Variants in LINGO2 observed in about 807,000 individuals in gnomAD.
LINGO2 encodes leucine-rich repeat and immunoglobulin-like domain-containing nogo receptor-interacting protein 2.
LINGO2 carries 14 observed loss-of-function variants against 30.6 expected under a neutral mutation model. The observed-to-expected ratio is 0.46, with a 90% CI of 0.30 to 0.72. The LOEUF (loss-of-function observed/expected upper bound fraction) is 0.72. LINGO2 is among the 30% of genes least tolerant of loss of function. The pLI is 0.07. For missense variants in LINGO2, 729 were observed against 751.7 expected, an observed-to-expected ratio of 0.97 and a Z score of 0.35; for synonymous variants, 317 against 288.5, an observed-to-expected ratio of 1.10 and a Z score of -1.00.
the LINGO2 span, among the ~76,000 whole-genome samples, chr9:28,768,085 A>G: frequency 1.3e-5 from 2 of 152,208 alleles, no homozygotes; most frequent in South Asian, 4.1e-4. Flanking sequence ...GCTAGCTGTA[A>G]TAATTATAAA....
the LINGO2 span, among the ~76,000 whole-genome samples, chr9:28,722,717 A>G: frequency 6.6e-6 from 1 of 152,306 alleles, no homozygotes; most frequent in East Asian, 1.9e-4. Context: ...TCAGGAGGGC[A>G]CTGGGAATAT....
chr9:28,496,455 C>T (rs1242661066), intron 1 of LINGO2, among the ~76,000 whole-genome samples: 2 of 150,836 alleles, frequency 1.3e-5, no homozygotes, highest in Non-Finnish European at 2.9e-5. Flanking sequence ...GGGTTAAAGT[C>T]TGTTTTATCA....
Position 27,957,466 on chromosome 9 carries a change from G to C in LINGO2, c.-35-6760C>G, listed in dbSNP as rs149677804. ...GTGTCACCAGGCCCAGCTATTTTTT[G>C]TACTTTTAGTAGAGACAGGGTTTCA... On this transcript the variant is annotated intron_variant, in intron 5 of 5. Transcript: ENST00000379992. 2.9e-3 allele frequency among the ~76,000 whole-genome samples: 439 copies of C among 152,138 alleles called. 1 individual carries two copies. Among genetic ancestry groups the C allele is most frequent in the African/African-American group, 0.01 (418 of 41,518 alleles).
chr9:28,298,810 C>A (rs1185425935), intron 3 of LINGO2, among the ~76,000 whole-genome samples: 1 of 152,062 alleles, frequency 6.6e-6, no homozygotes, highest in Non-Finnish European at 1.5e-5. Flanking sequence ...AGGGGCATGG[C>A]ATACAGAAGT....
chr9:29,176,002 A>G, the LINGO2 span, among the ~76,000 whole-genome samples: 4 of 152,120 alleles, frequency 2.6e-5, no homozygotes, highest in Non-Finnish European at 4.4e-5. Context: ...CTTACTGAGG[A>G]CATCTTATGG....
chr9:28,860,537 C>A, the LINGO2 span, among the ~76,000 whole-genome samples: 1 of 151,622 alleles, frequency 6.6e-6, no homozygotes, highest in African/African-American at 2.4e-5. Context: ...TTATGTGAGC[C>A]AATTACTTAT....
chr9:28,906,253 T>C, the LINGO2 span, among the ~76,000 whole-genome samples: 1 of 151,866 alleles, frequency 6.6e-6, no homozygotes, highest in South Asian at 2.1e-4. Flanking sequence ...CTATAGTTAA[T>C]AACAATGTAT....
the LINGO2 span, among the ~76,000 whole-genome samples, chr9:28,678,178 T>A: frequency 6.6e-6 from 1 of 151,920 alleles, no homozygotes; most frequent in Admixed American, 6.6e-5. Context: ...TTTTAATGTT[T>A]AATCTAAAAG....
chr9:29,179,547 CAT>C, the LINGO2 span, among the ~76,000 whole-genome samples: 1 of 151,996 alleles, frequency 6.6e-6, no homozygotes, highest in Non-Finnish European at 1.5e-5. Context: ...TGAGACTACA[CAT>C]GTGTGCCACC....
At chr9:28,387,095 G>C (rs1470211889) in intron 2 of LINGO2, among the ~76,000 whole-genome samples, 1 of 152,082 alleles carries the variant, frequency 6.6e-6, no homozygotes. Flanking sequence ...CTAAAGGTTT[G>C]TAAACACACC....
At chr9:29,071,096 T>C in the LINGO2 span, among the ~76,000 whole-genome samples, 1 of 150,662 alleles carries the variant, frequency 6.6e-6, no homozygotes, top group African/African-American at 2.4e-5. Flanking sequence ...TGTATATATA[T>C]GATGAATATA....
At chr9:28,363,811 C>T (rs1306284023) in intron 3 of LINGO2, among the ~76,000 whole-genome samples, 1 of 152,002 alleles carries the variant, frequency 6.6e-6, no homozygotes, top group Non-Finnish European at 1.5e-5. Flanking sequence ...CAATTATTTT[C>T]TCCTAACGTG....
intron 2 of LINGO2, among the ~76,000 whole-genome samples, chr9:28,471,099 A>T (rs965251654): frequency 6.9e-4 from 105 of 152,040 alleles, no homozygotes; most frequent in African/African-American, 2.4e-3. Context: ...CTTTTAACTT[A>T]GAGAAAGCCA....
At chr9:28,030,591 T>G (rs577164751) in intron 4 of LINGO2, among the ~76,000 whole-genome samples, 1 of 152,336 alleles carries the variant, frequency 6.6e-6, no homozygotes, top group Non-Finnish European at 1.5e-5. Context: ...GCTTTAAGTA[T>G]CTAACAGCAG....
At chr9:28,803,839 T>C in the LINGO2 span, among the ~76,000 whole-genome samples, 1 of 152,104 alleles carries the variant, frequency 6.6e-6, no homozygotes, top group Non-Finnish European at 1.5e-5. Context: ...AAATCAGTGT[T>C]AACTAAGGGG....
chr9:28,864,993 C>T, the LINGO2 span, among the ~76,000 whole-genome samples: 2 of 151,948 alleles, frequency 1.3e-5, no homozygotes, highest in African/African-American at 4.8e-5. Context: ...GGAGAGGCCA[C>T]TTAATTCAGT....
intron 2 of LINGO2, among the ~76,000 whole-genome samples, chr9:28,458,312 T>A (rs941979805): frequency 2.0e-5 from 3 of 152,192 alleles, no homozygotes; most frequent in Admixed American, 2.0e-4. Context: ...GCTCCTATAT[T>A]TTTATACGTC....
chr9:28,571,148 A>G (rs1823670843), intron 1 of LINGO2, among the ~76,000 whole-genome samples: 2 of 152,024 alleles, frequency 1.3e-5, no homozygotes, highest in South Asian at 4.1e-4. Flanking sequence ...AATCTAAGGT[A>G]TCTTAAAAAA....
chr9:29,151,358 A>G, the LINGO2 span, among the ~76,000 whole-genome samples: 1 of 152,200 alleles, frequency 6.6e-6, no homozygotes, highest in Non-Finnish European at 1.5e-5. Context: ...AAAGTCTACA[A>G]AACAACCACC....
Sources: gnomAD v4.1 joint callset for allele counts (sites outside exome capture counted in the v4.1 genomes callset) on GRCh38, gnomAD v4.1.1 for gene constraint, MANE v1.5 for transcripts, NCBI Gene and HGNC (gene_info 2026-07-23, HGNC 2026-07-21) for gene names.